Variants in PPFIA2 observed in about 807,000 individuals in gnomAD.
PPFIA2 encodes the protein PPFI scaffold protein A2.
Under a neutral mutation model 175.5 loss-of-function variants are expected in PPFIA2, and 46 were observed. The ratio of observed to expected loss-of-function variants is 0.26; its 90% confidence interval spans 0.21 to 0.34. The LOEUF is 0.34. Ranked by LOEUF, PPFIA2 falls within the 10% of genes least tolerant of loss-of-function variation. The pLI, the probability that PPFIA2 is intolerant of heterozygous loss-of-function variation, is 1.00. For missense variants in PPFIA2, 1,179 were observed against 1,506.1 expected (o/e 0.78, Z 3.60); for synonymous variants, 568 against 511.4 (o/e 1.11, Z -1.49).
chr12:81,301,757 A>G (rs897366861), intron 22 of PPFIA2, among the ~76,000 whole-genome samples: 1 of 152,124 alleles, frequency 6.6e-6, no homozygotes, highest in Non-Finnish European at 1.5e-5. Flanking sequence ...CTCACCTGGA[A>G]TGCTCTTCCC....
chr12:81,303,826 T>C (rs1210258482), intron 22 of PPFIA2, among the ~76,000 whole-genome samples: 1 of 152,216 alleles, frequency 6.6e-6, no homozygotes, highest in Non-Finnish European at 1.5e-5. Flanking sequence ...AGAAAATGTA[T>C]ATAAATTAGA....
rs1298444711 is a variant in PPFIA2, at chr12:81,344,655, TTACTG to T, written c.2262+4_2262+8del. On this transcript the variant is annotated splice_donor_5th_base_variant and intron_variant, in intron 19 of 32. Transcript: ENST00000549396. The stretch of plus-strand genomic sequence containing the variant: ...CAATTCGTAATGATGTAAAAGTTAT[TTACTG>T]TACCTTTCTCCGATGTTTCCTCAGA... 6.5e-7 allele frequency: 1 copy of T among 1,548,184 alleles called. No individual in the cohort carries two copies. The highest frequency in any genetic ancestry group is 8.8e-7 in the Non-Finnish European group (1 of 1,139,310).
chr12:81,378,115 T>C (rs2036805479), intron 9 of PPFIA2: 1 of 152,004 alleles, frequency 6.6e-6, no homozygotes. Context: ...CATTAGAAGC[T>C]AGAAGGGGGG....
At chr12:81,385,554 T>C (rs1428126580) in intron 8 of PPFIA2, among the ~76,000 whole-genome samples, 2 of 152,274 alleles carry the variant, frequency 1.3e-5, no homozygotes, top group East Asian at 1.9e-4. Context: ...CTGTCATTTG[T>C]GACAACATGG....
chr12:81,409,396 C>T lies in PPFIA2; in HGVS notation c.646-3493G>A, dbSNP rs569648779. On this transcript the variant is annotated intron_variant, in intron 7 of 32. Transcript: ENST00000549396. ...AGGTGGGACCTTTAACAGGTTTTTACGGCATGAGGGCTTTGCTCTCATAAA... is the reference window on the plus strand; with the variant it reads ...AGGTGGGACCTTTAACAGGTTTTTATGGCATGAGGGCTTTGCTCTCATAAA... 5.5e-4 allele frequency among the ~76,000 whole-genome samples: 84 copies of T among 152,186 alleles called. 1 individual carries two copies. Among genetic ancestry groups the T allele is most frequent in the Admixed American group, 1.2e-3 (19 of 15,266 alleles).
intron 4 of PPFIA2, among the ~76,000 whole-genome samples, chr12:81,518,944 C>A: frequency 6.6e-6 from 1 of 151,968 alleles, no homozygotes; most frequent in Non-Finnish European, 1.5e-5. Context: ...ATAGAATAAA[C>A]CCTAAGATAA....
chr12:81,518,476 T>C (rs2062729369), intron 4 of PPFIA2, among the ~76,000 whole-genome samples: 1 of 152,136 alleles, frequency 6.6e-6, no homozygotes, highest in South Asian at 2.1e-4. Context: ...CCTCCACGCT[T>C]TCTCATGTTC....
chr12:81,543,481 CACAT>C (rs2066519263), intron 4 of PPFIA2, among the ~76,000 whole-genome samples: 1 of 152,012 alleles, frequency 6.6e-6, no homozygotes, highest in African/African-American at 2.4e-5. Flanking sequence ...AATCCATAAT[CACAT>C]AAATAAATGA....
intron 22 of PPFIA2, among the ~76,000 whole-genome samples, chr12:81,321,842 G>A (rs985723640): frequency 6.6e-6 from 1 of 152,190 alleles, no homozygotes; most frequent in East Asian, 1.9e-4. Context: ...AATTTTGGGG[G>A]GCAGGCCCAT....
chr12:81,592,929 T>G lies in PPFIA2; in HGVS notation c.303+83862A>C, dbSNP rs1291897650. Among the ~76,000 whole-genome samples the G allele has an allele frequency of 3.3e-5, 5 of 152,158 alleles. No individual in the cohort carries two copies. The East Asian group carries it at 9.7e-4, about 29-fold the overall frequency. ...TACCACCATGCCCAGCTAATTTTTT[T>G]GTATTTTTGATAGAGACGGGGTTTC... On this transcript the variant is annotated intron_variant, in intron 4 of 32. Coordinates refer to ENST00000549396, the MANE Select transcript of PPFIA2 (RefSeq NM_003625.5).
At chr12:81,398,084 T>C (rs2041473230) in intron 8 of PPFIA2, among the ~76,000 whole-genome samples, 2 of 151,980 alleles carry the variant, frequency 1.3e-5, no homozygotes, top group Non-Finnish European at 2.9e-5. Context: ...GCAAAATAAA[T>C]GTAATGTGCT....
At chr12:81,367,194 A>T (rs778763465) in intron 13 of PPFIA2, 24 bp from the exon 14 acceptor site, 2 of 1,296,612 alleles carry the variant, frequency 1.5e-6, no homozygotes, top group South Asian at 3.7e-5. Context: ...AATAGCAGAA[A>T]TAATTAATAA....
chr12:81,397,987 C>G (rs2041453904), intron 8 of PPFIA2, among the ~76,000 whole-genome samples: 1 of 151,892 alleles, frequency 6.6e-6, no homozygotes, highest in South Asian at 2.1e-4. Context: ...TGCAGGAAAA[C>G]AAGCTCAGAG....
intron 4 of PPFIA2, among the ~76,000 whole-genome samples, chr12:81,641,689 T>C (rs1293151926): frequency 6.6e-6 from 1 of 152,138 alleles, no homozygotes; most frequent in Non-Finnish European, 1.5e-5. Context: ...ACCACAGTCA[T>C]ATAAACAAGC....
At chr12:81,733,184 T>C (rs931313309) in intron 3 of PPFIA2, among the ~76,000 whole-genome samples, 8 of 151,598 alleles carry the variant, frequency 5.3e-5, no homozygotes, top group Non-Finnish European at 8.9e-5. Flanking sequence ...GTGTGAGACA[T>C]AGTTCTTAAG....
At chr12:81,558,412 C>A (rs76069916) in intron 4 of PPFIA2, among the ~76,000 whole-genome samples, 2 of 152,156 alleles carry the variant, frequency 1.3e-5, no homozygotes, top group African/African-American at 2.4e-5. Flanking sequence ...ATACACATTA[C>A]AATTTGATAC....
chr12:81,465,486 T>C (rs2055440005), intron 4 of PPFIA2, among the ~76,000 whole-genome samples: 1 of 152,130 alleles, frequency 6.6e-6, no homozygotes, highest in Non-Finnish European at 1.5e-5. Flanking sequence ...TAGACAAAAT[T>C]AACTGCTTCA....
chr12:81,332,409 A>T (rs148383699), intron 21 of PPFIA2, among the ~76,000 whole-genome samples: 1 of 152,254 alleles, frequency 6.6e-6, no homozygotes, highest in Non-Finnish European at 1.5e-5. Flanking sequence ...TTTCTCAAAG[A>T]TAGGTCCCGT....
chr12:81,272,239 C>T (rs2039328253), intron 28 of PPFIA2, among the ~76,000 whole-genome samples: 1 of 152,010 alleles, frequency 6.6e-6, no homozygotes, highest in Non-Finnish European at 1.5e-5. Context: ...TGGGGTCCAT[C>T]GAGAACCTTG....
Sources: allele counts gnomAD v4.1 joint callset (sites outside exome capture counted in the v4.1 genomes callset), GRCh38; gene constraint gnomAD v4.1.1; transcripts MANE v1.5; gene names NCBI Gene and HGNC (gene_info 2026-07-23, HGNC 2026-07-21).